The following HERPUD2 variants were observed in gnomAD, a reference collection of about 807,000 sequenced individuals.
HERPUD2 encodes HERPUD family member 2, also known as homocysteine-responsive endoplasmic reticulum-resident ubiquitin-like domain member 2 protein.
In HERPUD2, 13 loss-of-function variants were observed where a neutral mutation model predicts 49.9. The observed-to-expected ratio is 0.26, with a 90% confidence interval of 0.17 to 0.41. HERPUD2 has a LOEUF of 0.41. Ranked by LOEUF, HERPUD2 falls within the 10% of genes least tolerant of loss-of-function variation. The pLI is 1.00. For synonymous variants in HERPUD2, 172 were observed against 171.4 expected, an observed-to-expected ratio of 1.00 and a Z score of -0.03; for missense variants, 449 against 492.2, an observed-to-expected ratio of 0.91 and a Z score of 0.83.
chr7:35,648,944 A>G (rs1340324899), intron 5 of HERPUD2, among the ~76,000 whole-genome samples: 1 of 152,244 alleles, frequency 6.6e-6, no homozygotes, highest in African/African-American at 2.4e-5. Context: ...GAAAAATCAT[A>G]CAGACTTTAA....
chr7:35,671,107 T>C (rs13226903), intron 3 of HERPUD2, among the ~76,000 whole-genome samples: 28,790 of 151,856 alleles, frequency 0.19, 3,227 homozygotes, highest in African/African-American at 0.31. Context: ...GAAAGAAAGA[T>C]AACCAAATGG....
chr7:35,651,812 T>TA (rs70974757), intron 5 of HERPUD2, among the ~76,000 whole-genome samples: 13 of 150,542 alleles, frequency 8.6e-5, no homozygotes, highest in Non-Finnish European at 1.2e-4. Flanking sequence ...ATAAACAATA[T>TA]AAAAAAAAAT....
intron 5 of HERPUD2, among the ~76,000 whole-genome samples, chr7:35,654,597 A>T (rs1331803423): frequency 5.5e-4 from 12 of 21,904 alleles, no homozygotes; most frequent in African/African-American, 2.8e-3. Context: ...TCAGTAATTA[A>T]AAAAAAAAAA....
At chr7:35,652,361 C>A (rs748137997) in intron 5 of HERPUD2, among the ~76,000 whole-genome samples, 1 of 152,180 alleles carries the variant, frequency 6.6e-6, no homozygotes, top group Non-Finnish European at 1.5e-5. Flanking sequence ...GGCTCTGACA[C>A]CTCGCCCAAC....
chr7:35,670,021 C>G (rs902416909), intron 4 of HERPUD2, among the ~76,000 whole-genome samples, 194 bp downstream of exon 4: 4 of 151,852 alleles, frequency 2.6e-5, no homozygotes, highest in African/African-American at 9.7e-5. Context: ...GAATAGACTT[C>G]AAGGGATAAC....
At position 35,670,301 on chromosome 7, in the gene HERPUD2, C is replaced by A; in HGVS notation, c.253G>T (p.Val85Leu). 6.4e-7 allele frequency: 1 copy of A among 1,551,364 alleles called. No individual in the cohort carries two copies. Among genetic ancestry groups the A allele is most frequent in the African/African-American group, 1.4e-5 (1 of 71,450 alleles). ...CTGGGAGGAGTCCGAGAAGTACATA[C>A]TAGATGAACCATATGATACTCATCT... Reference protein sequence around the residue: ...KQDEYHMVHLVCTSRTPPSSP... With the variant: ...KQDEYHMVHLLCTSRTPPSSP... Residue 85 changes from valine to leucine, a missense_variant, in exon 4 of 9, where the codon GTA becomes TTA. By Grantham distance (32) the Val-to-Leu change is conservative (BLOSUM62 1). Coordinates refer to ENST00000311350, the MANE Select transcript of HERPUD2 (RefSeq NM_022373.5).
chr7:35,658,972 T>G (rs1188427465), intron 5 of HERPUD2, among the ~76,000 whole-genome samples: 2 of 152,220 alleles, frequency 1.3e-5, no homozygotes, highest in Admixed American at 1.3e-4. Flanking sequence ...AAACTAGTGA[T>G]TCAAAACCTC....
chr7:35,666,659 C>CAG (rs1785542666), intron 5 of HERPUD2, among the ~76,000 whole-genome samples: 3 of 152,158 alleles, frequency 2.0e-5, no homozygotes, highest in African/African-American at 7.2e-5. Context: ...TCTGCTTTCA[C>CAG]ACACAACCCT....
intron 6 of HERPUD2, among the ~76,000 whole-genome samples, chr7:35,636,623 C>A (rs1784874874): frequency 6.6e-6 from 1 of 152,162 alleles, no homozygotes; most frequent in Admixed American, 6.5e-5. Context: ...CAAATGATAA[C>A]CATTACCATG....
At chr7:35,640,311 C>A (rs1016327314) in intron 5 of HERPUD2, among the ~76,000 whole-genome samples, 1 of 152,094 alleles carries the variant, frequency 6.6e-6, no homozygotes, top group Non-Finnish European at 1.5e-5. Context: ...AAATCTCCAC[C>A]AATCTCTATC....
At chr7:35,635,522 A>T in intron 6 of HERPUD2, 64 bp from the exon 7 acceptor site, 1 of 1,361,420 alleles carries the variant, frequency 7.3e-7, no homozygotes, top group Non-Finnish European at 1.0e-6. Flanking sequence ...ATATTTTTTT[A>T]AACTTCTTGG....
intron 5 of HERPUD2, among the ~76,000 whole-genome samples, chr7:35,649,532 G>C (rs1785121107): frequency 6.6e-6 from 1 of 152,154 alleles, no homozygotes; most frequent in Non-Finnish European, 1.5e-5. Context: ...ATGTGCCCAA[G>C]GTGGTCAGGG....
chr7:35,654,195 G>T lies in HERPUD2; in HGVS notation c.494+13239C>A, dbSNP rs139405957. Among the ~76,000 whole-genome samples, 60 of 150,632 alleles carry T rather than the reference G, an allele frequency of 4.0e-4. 1 individual carries two copies. The East Asian group carries it at 0.011, about 27-fold the overall frequency. Reference sequence around the variant, plus strand: ...GCAAGAACCACCTAACCCAAAATTAGTAGAGGGAAAGAAATAATAAAGATC... The same window carrying T: ...GCAAGAACCACCTAACCCAAAATTATTAGAGGGAAAGAAATAATAAAGATC... On this transcript the variant is annotated intron_variant, in intron 5 of 8. Coordinates refer to ENST00000311350, the MANE Select transcript of HERPUD2 (RefSeq NM_022373.5).
At chr7:35,641,769 T>C (rs1441762075) in intron 5 of HERPUD2, among the ~76,000 whole-genome samples, 5 of 152,136 alleles carry the variant, frequency 3.3e-5, no homozygotes, top group Admixed American at 6.5e-5. Flanking sequence ...ATGCAGAGGA[T>C]TGAAACTGGA....
At chr7:35,644,046 A>G (rs189831562) in intron 5 of HERPUD2, among the ~76,000 whole-genome samples, 1 of 152,320 alleles carries the variant, frequency 6.6e-6, no homozygotes, top group East Asian at 1.9e-4. Context: ...AAGCATATAT[A>G]CATACAAATA....
At chr7:35,687,743 C>G (rs1414029012) in intron 2 of HERPUD2, among the ~76,000 whole-genome samples, 1 of 152,150 alleles carries the variant, frequency 6.6e-6, no homozygotes, top group Non-Finnish European at 1.5e-5. Flanking sequence ...AACCAAATAT[C>G]AGAAACAGAT....
chr7:35,642,798 C>T (rs758321960), intron 5 of HERPUD2, among the ~76,000 whole-genome samples: 36 of 152,086 alleles, frequency 2.4e-4, no homozygotes, highest in Non-Finnish European at 2.4e-4. Context: ...GACACTTCAG[C>T]GTACTTGAGA....
chr7:35,638,499 T>C (rs1366845898), intron 5 of HERPUD2, 27 bp from the exon 6 acceptor site: 3 of 1,605,862 alleles, frequency 1.9e-6, no homozygotes, highest in Non-Finnish European at 2.6e-6. Flanking sequence ...ATGAGCTCTT[T>C]TAATGCTCTA....
intron 5 of HERPUD2, among the ~76,000 whole-genome samples, chr7:35,652,864 A>AAAG (rs954741778): frequency 6.6e-6 from 1 of 152,128 alleles, no homozygotes; most frequent in Non-Finnish European, 1.5e-5. Context: ...CCCTCCAAGA[A>AAAG]ATAATTAAGG....
Sources: gnomAD v4.1 joint callset for allele counts (sites outside exome capture counted in the v4.1 genomes callset) on GRCh38, gnomAD v4.1.1 for gene constraint, MANE v1.5 for transcripts, NCBI Gene and HGNC (gene_info 2026-07-23, HGNC 2026-07-21) for gene names.